Variants in DPP6 observed in about 807,000 individuals in gnomAD.
DPP6 encodes the protein A-type potassium channel modulatory protein DPP6.
DPP6 carries 69 observed loss-of-function variants against 122.6 expected under a neutral mutation model. That is an observed-to-expected ratio of 0.56 (90% CI 0.46 to 0.69). The LOEUF is 0.69. Ranked by LOEUF, DPP6 falls within the 30% of genes least tolerant of loss-of-function variation. The pLI is 0.00. For missense variants in DPP6, 928 were observed against 1,116.9 expected (o/e 0.83, Z 2.41); for synonymous variants, 418 against 433.1 (o/e 0.97, Z 0.43).
chr7:153,990,830 A>G (rs937599070), intron 1 of DPP6, among the ~76,000 whole-genome samples: 1 of 152,234 alleles, frequency 6.6e-6, no homozygotes, highest in African/African-American at 2.4e-5. Flanking sequence ...AGTGACGTCC[A>G]AGTTTATTGA....
intron 2 of DPP6, among the ~76,000 whole-genome samples, chr7:154,456,644 T>C (rs943391511): frequency 2.0e-5 from 3 of 152,188 alleles, no homozygotes; most frequent in African/African-American, 7.2e-5. Context: ...AAGGGGGCCT[T>C]TTGTGGCTAC....
chr7:154,365,679 C>T (rs940112747), intron 1 of DPP6, among the ~76,000 whole-genome samples: 4 of 151,018 alleles, frequency 2.6e-5, no homozygotes, highest in Admixed American at 6.6e-5. Context: ...GGGGGCCAGG[C>T]GCGGTGGCTC....
chr7:154,209,440 C>A (rs1190609810), intron 1 of DPP6, among the ~76,000 whole-genome samples: 1 of 151,742 alleles, frequency 6.6e-6, no homozygotes, highest in Non-Finnish European at 1.5e-5. Context: ...ATAAAATGGG[C>A]AGTGGTAACT....
At chr7:153,915,089 T>C (rs995169871) in intron 1 of DPP6, among the ~76,000 whole-genome samples, 23 of 152,222 alleles carry the variant, frequency 1.5e-4, no homozygotes, top group African/African-American at 5.5e-4. Flanking sequence ...GTGAATTCTT[T>C]CTTATAAGTG....
At chr7:153,890,081 G>C (rs1391602267) in intron 1 of DPP6, among the ~76,000 whole-genome samples, 2 of 152,164 alleles carry the variant, frequency 1.3e-5, no homozygotes, top group Non-Finnish European at 2.9e-5. Context: ...AAATTCAGGT[G>C]ATATTTTACA....
chr7:154,360,567 G>C (rs1291882654), intron 1 of DPP6, among the ~76,000 whole-genome samples: 1 of 152,206 alleles, frequency 6.6e-6, no homozygotes, highest in Non-Finnish European at 1.5e-5. Context: ...ATTTAGTGCT[G>C]TCCAGCAAAA....
At chr7:154,586,450 G>A (rs906032431) in intron 5 of DPP6, among the ~76,000 whole-genome samples, 8 of 152,090 alleles carry the variant, frequency 5.3e-5, no homozygotes, top group African/African-American at 1.9e-4. Context: ...CCATAGATGA[G>A]GGAGAAATTT....
chr7:154,799,111 C>T (rs115141865), intron 12 of DPP6, among the ~76,000 whole-genome samples: 112 of 152,220 alleles, frequency 7.4e-4, no homozygotes, highest in African/African-American at 2.6e-3. Flanking sequence ...CAGGGAGACC[C>T]GGCCTGCTTA....
chr7:154,207,253 C>G (rs879339828), intron 1 of DPP6, among the ~76,000 whole-genome samples: 1 of 152,216 alleles, frequency 6.6e-6, no homozygotes, highest in Non-Finnish European at 1.5e-5. Flanking sequence ...AAAACCCAAT[C>G]ATAGGCATTT....
rs558087821 is a variant in DPP6, at chr7:153,915,368, C to T, written c.51+27634C>T. Among the ~76,000 whole-genome samples, 3 of 152,256 alleles carry T rather than the reference C, an allele frequency of 2.0e-5. No individual in the cohort carries two copies. In the South Asian group the frequency reaches 6.2e-4, roughly 32 times the overall value. Reference sequence around the variant, plus strand: ...TGCCAAGCTGTCTCCCACTCATTGCCTCTGGATCATGGTGCAACTTGCCAC... The same window carrying T: ...TGCCAAGCTGTCTCCCACTCATTGCTTCTGGATCATGGTGCAACTTGCCAC... On this transcript the variant is annotated intron_variant, in intron 1 of 25. Coordinates refer to the DPP6 transcript ENST00000404039.
intron 1 of DPP6, among the ~76,000 whole-genome samples, chr7:154,117,405 G>A (rs1188288522): frequency 1.3e-5 from 2 of 152,148 alleles, no homozygotes; most frequent in Non-Finnish European, 2.9e-5. Flanking sequence ...GATGTGCTCA[G>A]TACCTTGGTG....
the DPP6 span, among the ~76,000 whole-genome samples, chr7:153,849,206 CAGTT>C: frequency 6.6e-6 from 1 of 151,968 alleles, no homozygotes; most frequent in Middle Eastern, 3.4e-3. Flanking sequence ...ATAGGCCACA[CAGTT>C]AGTACAAATG....
chr7:154,471,401 C>T (rs1208230363), intron 2 of DPP6, among the ~76,000 whole-genome samples: 1 of 152,036 alleles, frequency 6.6e-6, no homozygotes, highest in African/African-American at 2.4e-5. Context: ...CCATCATCCT[C>T]AAGTCATAGA....
chr7:153,951,560 T>C lies in DPP6; in HGVS notation c.51+63826T>C, dbSNP rs189701738. On this transcript the variant is annotated intron_variant, in intron 1 of 25. Coordinates refer to the DPP6 transcript ENST00000404039. ...CAGTCTGGATCCCTCCCCCTGGCAG[T>C]CGCCACTGACATGCTGCAGCTGCTG... Among the ~76,000 whole-genome samples, 574 of 152,344 alleles carry C rather than the reference T, an allele frequency of 3.8e-3. 7 individuals are homozygous for C. The highest frequency in any genetic ancestry group is 0.013 in the African/African-American group (544 of 41,584).
At chr7:154,240,232 A>C (rs150548277) in intron 1 of DPP6, among the ~76,000 whole-genome samples, 6 of 152,210 alleles carry the variant, frequency 3.9e-5, no homozygotes, top group African/African-American at 1.4e-4. Flanking sequence ...TTTATGTCCA[A>C]TGGGGTAATT....
chr7:154,354,280 A>G (rs1198468049), intron 1 of DPP6, among the ~76,000 whole-genome samples: 1 of 152,206 alleles, frequency 6.6e-6, no homozygotes, highest in Non-Finnish European at 1.5e-5. Context: ...ATAATAGCCA[A>G]CATTTCTTGA....
chr7:154,243,796 A>G (rs796332955), intron 1 of DPP6, among the ~76,000 whole-genome samples: 3 of 148,860 alleles, frequency 2.0e-5, no homozygotes, highest in South Asian at 2.1e-4. Context: ...ACTCCATCTC[A>G]AAAAAAAAAG....
At chr7:154,734,784 C>T (rs1222620380) in intron 8 of DPP6, among the ~76,000 whole-genome samples, 1 of 152,164 alleles carries the variant, frequency 6.6e-6, no homozygotes, top group African/African-American at 2.4e-5. Context: ...GCTGTATGAA[C>T]TTGGATGAAT....
At chr7:153,768,099 G>T in the DPP6 span, among the ~76,000 whole-genome samples, 12 of 151,656 alleles carry the variant, frequency 7.9e-5, 1 homozygote, top group Admixed American at 4.6e-4. Flanking sequence ...GAATAAGCTA[G>T]AAAGTTAGTT....
Sources: gnomAD v4.1 joint callset for allele counts (sites outside exome capture counted in the v4.1 genomes callset) on GRCh38, gnomAD v4.1.1 for gene constraint, MANE v1.5 for transcripts, NCBI Gene and HGNC (gene_info 2026-07-23, HGNC 2026-07-21) for gene names.